SRGAP1: variants seen among roughly 807,000 people sequenced by gnomAD.
SRGAP1 encodes SLIT-ROBO Rho GTPase activating protein 1, also known as SLIT-ROBO Rho GTPase-activating protein 1.
A neutral mutation model predicts 121.9 loss-of-function variants in SRGAP1; 43 were observed. The observed-to-expected ratio is 0.35, with a 90% CI of 0.28 to 0.46. The LOEUF is 0.46. SRGAP1 is among the 20% of genes least tolerant of loss of function. The probability of loss-of-function intolerance (pLI) is 1.00; values close to 1 mark genes in which losing one functional copy is unlikely to be tolerated. For synonymous variants in SRGAP1, 447 were observed against 485.4 expected (o/e 0.92, Z 1.04); for missense variants, 1,102 against 1,350.9 (o/e 0.82, Z 2.89).
intron 1 of SRGAP1, among the ~76,000 whole-genome samples, chr12:63,915,071 T>C (rs1348451085): frequency 6.6e-6 from 1 of 152,202 alleles, no homozygotes; most frequent in Non-Finnish European, 1.5e-5. Context: ...ATGAAATAAT[T>C]TAGATATTTG....
At chr12:64,074,172 C>T (rs2035692926) in intron 8 of SRGAP1, among the ~76,000 whole-genome samples, 2 of 152,136 alleles carry the variant, frequency 1.3e-5, no homozygotes, top group African/African-American at 2.4e-5. Context: ...CAAATATCCC[C>T]CATCATGTTC....
At chr12:63,988,795 A>G (rs1434540918) in intron 2 of SRGAP1, among the ~76,000 whole-genome samples, 1 of 152,192 alleles carries the variant, frequency 6.6e-6, no homozygotes, top group Non-Finnish European at 1.5e-5. Context: ...TTTTAAAGAA[A>G]AAACAAACAA....
At chr12:64,038,015 C>A (rs1227628252) in intron 4 of SRGAP1, among the ~76,000 whole-genome samples, 1 of 152,196 alleles carries the variant, frequency 6.6e-6, no homozygotes, top group Non-Finnish European at 1.5e-5. Context: ...TATGGCGTAG[C>A]AGTCCCAAAC....
chr12:63,942,123 T>A (rs1011527134), intron 1 of SRGAP1, among the ~76,000 whole-genome samples: 1 of 152,212 alleles, frequency 6.6e-6, no homozygotes, highest in Non-Finnish European at 1.5e-5. Context: ...CAACACCCTC[T>A]ATTTGTACTA....
intron 18 of SRGAP1, 143 bp downstream of exon 18, chr12:64,116,036 C>T: frequency 1.5e-6 from 1 of 681,220 alleles, no homozygotes; most frequent in South Asian, 1.8e-5. Flanking sequence ...TGGAGGATCA[C>T]TTGAGCCCAG....
intron 4 of SRGAP1, among the ~76,000 whole-genome samples, chr12:64,031,782 T>A (rs1007599876): frequency 1.3e-5 from 2 of 152,208 alleles, no homozygotes; most frequent in African/African-American, 4.8e-5. Flanking sequence ...TACTTTGTCT[T>A]TCATCCTACA....
rs910740642 is a variant in SRGAP1, at chr12:64,016,932, T to C, written c.427-18T>C. 3.6e-6 allele frequency: 5 copies of C among 1,388,586 alleles called. No homozygotes were observed. Among genetic ancestry groups the C allele is most frequent in the Non-Finnish European group, 5.0e-6 (5 of 1,004,158 alleles). 86.0% of individuals were successfully genotyped at this position (1,388,586 alleles called of 1,614,324 possible). The stretch of plus-strand genomic sequence containing the variant: ...TGTAAATAATTTTAAAATATTCTTT[T>C]TTATTTTCTAATTACAGAGCAAAGA... On this transcript the variant is annotated intron_variant, in intron 3 of 21. Coordinates refer to ENST00000355086, the MANE Select transcript of SRGAP1 (RefSeq NM_020762.4).
chr12:63,985,138 G>C (rs149823504), intron 2 of SRGAP1, among the ~76,000 whole-genome samples: 99 of 152,202 alleles, frequency 6.5e-4, no homozygotes, highest in African/African-American at 1.3e-3. Flanking sequence ...ACTGATATCT[G>C]TTCTGCATTG....
chr12:63,991,898 T>C (rs537680566), intron 3 of SRGAP1, among the ~76,000 whole-genome samples: 6 of 152,290 alleles, frequency 3.9e-5, no homozygotes, highest in Admixed American at 3.9e-4. Context: ...TGTCCCTGCC[T>C]GCAAGGAGCT....
chr12:63,985,168 C>T (rs2033380996), intron 2 of SRGAP1, among the ~76,000 whole-genome samples: 1 of 152,050 alleles, frequency 6.6e-6, no homozygotes, highest in African/African-American at 2.4e-5. Flanking sequence ...AAGGGAAGGT[C>T]CTGAAAGAAG....
intron 1 of SRGAP1, among the ~76,000 whole-genome samples, chr12:63,876,041 C>A (rs1013644579): frequency 6.6e-6 from 1 of 152,078 alleles, no homozygotes; most frequent in Non-Finnish European, 1.5e-5. Flanking sequence ...CAGAGTAATG[C>A]ATTTTTTAAA....
At chr12:64,026,323 A>G (rs2034652162) in intron 4 of SRGAP1, among the ~76,000 whole-genome samples, 1 of 152,236 alleles carries the variant, frequency 6.6e-6, no homozygotes, top group South Asian at 2.1e-4. Flanking sequence ...ATAAATATAT[A>G]TGATACTTGC....
intron 4 of SRGAP1, among the ~76,000 whole-genome samples, chr12:64,039,628 C>CGTGTGTGTGT (rs6144742): frequency 0.017 from 2,188 of 130,870 alleles, 96 homozygotes; most frequent in African/African-American, 0.038. Flanking sequence ...AGCTGAGCAA[C>CGTGTGTGTGT]GTGTGTGTGT....
At chr12:64,075,469 G>A (rs2035719715) in intron 8 of SRGAP1, among the ~76,000 whole-genome samples, 1 of 152,192 alleles carries the variant, frequency 6.6e-6, no homozygotes, top group Non-Finnish European at 1.5e-5. Context: ...TTTTGTTTAT[G>A]GCCAGTTTTG....
At chr12:63,883,663 CTTT>C (rs144792182) in intron 1 of SRGAP1, among the ~76,000 whole-genome samples, 3 of 142,444 alleles carry the variant, frequency 2.1e-5, no homozygotes. Flanking sequence ...TTTCTTTTTT[CTTT>C]TTTTTTTTTT....
At chr12:63,916,536 A>G (rs1026358997) in intron 1 of SRGAP1, among the ~76,000 whole-genome samples, 8 of 152,198 alleles carry the variant, frequency 5.3e-5, no homozygotes, top group African/African-American at 1.7e-4. Flanking sequence ...CGTGGTCTTG[A>G]GATGCTAAAA....
chr12:63,940,939 C>T (rs1049813534), intron 1 of SRGAP1, among the ~76,000 whole-genome samples: 4 of 152,214 alleles, frequency 2.6e-5, no homozygotes, highest in Non-Finnish European at 5.9e-5. Flanking sequence ...TACCTTCCCG[C>T]GGCCTGATAA....
rs73321334 is a variant in SRGAP1, at chr12:64,112,789, G to A, written c.2144+803G>A. On this transcript the variant is annotated intron_variant, in intron 17 of 21. Coordinates refer to ENST00000355086, the MANE Select transcript of SRGAP1 (RefSeq NM_020762.4). ...TTATGTTAAGTGAAATAAGCCAGGC[G>A]GGAAAGACAAATATCACATGTTCTT... is the stretch of plus-strand genomic sequence containing the variant. Among the ~76,000 whole-genome samples the A allele has an allele frequency of 2.1e-3, 323 of 152,124 alleles. 1 individual carries two copies. The highest frequency in any genetic ancestry group is 7.2e-3 in the African/African-American group (299 of 41,510).
At chr12:64,083,488 T>C (rs913082518) in intron 10 of SRGAP1, among the ~76,000 whole-genome samples, 2 of 152,152 alleles carry the variant, frequency 1.3e-5, no homozygotes, top group African/African-American at 2.4e-5. Flanking sequence ...ATTGGGCTCT[T>C]AAAGTGGCAC....
Sources: gnomAD v4.1 joint callset for allele counts (sites outside exome capture counted in the v4.1 genomes callset) on GRCh38, gnomAD v4.1.1 for gene constraint, MANE v1.5 for transcripts, NCBI Gene and HGNC (gene_info 2026-07-23, HGNC 2026-07-21) for gene names.